Variants in APOBEC3H observed in about 807,000 individuals in gnomAD.
The protein encoded by APOBEC3H is apolipoprotein B mRNA editing enzyme catalytic subunit 3H.
A neutral mutation model predicts 21.2 loss-of-function variants in APOBEC3H; 8 were observed. The ratio of observed to expected loss-of-function variants is 0.38; its 90% confidence interval spans 0.22 to 0.68. The LOEUF is 0.68. Ranked by LOEUF, APOBEC3H falls within the 30% of genes least tolerant of loss-of-function variation. The pLI, the probability that APOBEC3H is intolerant of heterozygous loss-of-function variation, is 0.52. For missense variants in APOBEC3H, 229 were observed against 228.1 expected (o/e 1.00, Z -0.03); for synonymous variants, 88 against 91.0 (o/e 0.97, Z 0.19).
chr22:39,099,039 A>G (rs1929154085), intron 1 of APOBEC3H, among the ~76,000 whole-genome samples: 1 of 152,122 alleles, frequency 6.6e-6, no homozygotes, highest in African/African-American at 2.4e-5. Flanking sequence ...CTACAAAAAT[A>G]CAAAAATTAG....
intron 1 of APOBEC3H, among the ~76,000 whole-genome samples, chr22:39,100,068 G>A (rs1242676091): frequency 1.3e-5 from 2 of 152,234 alleles, no homozygotes; most frequent in Non-Finnish European, 2.9e-5. Flanking sequence ...AGCTACTTGG[G>A]AGGCTGAGGC....
rs1036240479 is a variant in APOBEC3H at position 39,101,396 on chromosome 22, C to T, written c.310C>T (p.Leu104=). 3 of 1,612,470 alleles carry T rather than the reference C, an allele frequency of 1.9e-6. No individual in the cohort carries two copies. The South Asian group carries it at 3.3e-5, about 18-fold the overall frequency. ...CATCAAGGCTCACGACCATCTGAAC[C>T]TGGGCATCTTCGCCTCCCGCCTGTA... The part of the protein sequence containing the change: ...DFIKAHDHLN[L]GIFASRLYYH... The change falls in exon 3 of 5, where the codon CTG becomes TTG. Residue 104 remains leucine (L), a synonymous_variant. Transcript: ENST00000442487.
At chr22:39,098,706 T>C (rs1183153699) in intron 1 of APOBEC3H, among the ~76,000 whole-genome samples, 1 of 152,160 alleles carries the variant, frequency 6.6e-6, no homozygotes, top group African/African-American at 2.4e-5. Flanking sequence ...CTGCTGCCCC[T>C]GCCAGCATCT....
intron 4 of APOBEC3H, chr22:39,102,480 C>T (rs1210210523): frequency 1.4e-6 from 1 of 714,366 alleles, no homozygotes; most frequent in Non-Finnish European, 2.6e-6. Flanking sequence ...GTGTTCTCCT[C>T]TCGCACCAGG....
chr22:39,097,916 TATA>T (rs1333417298), intron 1 of APOBEC3H, among the ~76,000 whole-genome samples: 2 of 133,822 alleles, frequency 1.5e-5, no homozygotes, highest in African/African-American at 5.8e-5. Flanking sequence ...ATTCACCGTT[TATA>T]ATGACACCAG....
In APOBEC3H at chr22:39,103,681, C is replaced by T; in HGVS notation, c.544-8C>T. The T allele has an allele frequency of 1.9e-6, 3 of 1,614,056 alleles. No individual in the cohort carries two copies. The highest frequency in any genetic ancestry group is 2.5e-6 in the Non-Finnish European group (3 of 1,179,924). On this transcript the variant is annotated splice_polypyrimidine_tract_variant and splice_region_variant and intron_variant, in intron 4 of 4. Coordinates refer to ENST00000442487, the MANE Select transcript of APOBEC3H (RefSeq NM_181773.5). ...TGGTACCTCCTAACTTCTCTCTTTC[C>T]CTCTCAGCAGTCCTGAAGTGTGGAT... is the stretch of plus-strand genomic sequence containing the variant.
chr22:39,103,800 AGTTGCC>A lies in APOBEC3H; in HGVS notation c.*104_*109del. 1 of 1,451,826 alleles carries A rather than the reference AGTTGCC, an allele frequency of 6.9e-7. No individual in the cohort carries two copies. The highest frequency in any genetic ancestry group is 9.7e-7 in the Non-Finnish European group (1 of 1,032,458). The allele number at this position is 1,451,826 out of a possible 1,614,324, so 89.9% of individuals were successfully genotyped here. A position where few individuals can be genotyped will look rare whatever the true frequency, so the allele number is the denominator to read the frequency against. ...AAGATGACTTTCCCTGGGGCATGTCAGTTGCCTCATAGCCTGCTGGTCCTGTAAGCA... is the reference window on the plus strand; with the variant it reads ...AAGATGACTTTCCCTGGGGCATGTCATCATAGCCTGCTGGTCCTGTAAGCA... On this transcript the variant is annotated 3_prime_UTR_variant, in exon 5 of 5. Coordinates refer to ENST00000442487, the MANE Select transcript of APOBEC3H (RefSeq NM_181773.5).
chr22:39,101,612 G>T (rs113048745), intron 3 of APOBEC3H, 108 bp downstream of exon 3: 94,456 of 288,598 alleles, frequency 0.33, 19,894 homozygotes, highest in South Asian at 0.42. Context: ...CGGGGGGCGG[G>T]GGCGGGTTGG....
intron 1 of APOBEC3H, among the ~76,000 whole-genome samples, chr22:39,099,866 C>T (rs1929198425): frequency 6.6e-6 from 1 of 152,168 alleles, no homozygotes; most frequent in African/African-American, 2.4e-5. Context: ...GGGAAGGGCC[C>T]AAATGAACAG....
At chr22:39,098,253 G>GT (rs1056976936) in intron 1 of APOBEC3H, among the ~76,000 whole-genome samples, 6 of 152,300 alleles carry the variant, frequency 3.9e-5, no homozygotes, top group African/African-American at 1.2e-4. Flanking sequence ...GTTTCGTTTT[G>GT]TTTTTTTGAG....
At chr22:39,102,138 T>A in intron 4 of APOBEC3H, 96 bp downstream of exon 4, 1 of 1,460,814 alleles carries the variant, frequency 6.8e-7, no homozygotes, top group Non-Finnish European at 9.1e-7. Flanking sequence ...TACCCCTACC[T>A]TTTTTTCTTT....
chr22:39,102,025 C>T lies in APOBEC3H; in HGVS notation c.526C>T (p.Arg176Trp). 6.2e-6 allele frequency: 10 copies of T among 1,613,830 alleles called. No homozygotes were observed. The highest frequency in any genetic ancestry group is 2.7e-5 in the African/African-American group (2 of 74,980). Residue 176 changes from arginine (R) to tryptophan (W), a missense_variant, in exon 4 of 5, where the codon CGG becomes TGG. Physicochemically the swap from Arg to Trp is moderately radical, Grantham distance 101 (BLOSUM62 -3). Transcript: ENST00000442487. ...TAAAAACAGTCGAGCCATAAAGCGA[C>T]GGCTTGAGAGGATAAAGGTGAGGCA... is the stretch of plus-strand genomic sequence containing the variant. ...LDKNSRAIKR[R>W]LERIKQS
rs769226790 is a variant in APOBEC3H at position 39,102,083 on chromosome 22, G to A, written c.543+41G>A. ...GCCTGCTGCCCCCGACCTCCTCACC[G>A]CCTGCCGCAGCCCCATACCCAGTCA... On this transcript the variant is annotated intron_variant, in intron 4 of 4. Coordinates refer to ENST00000442487, the MANE Select transcript of APOBEC3H (RefSeq NM_181773.5). 6.2e-6 allele frequency: 10 copies of A among 1,601,606 alleles called. No individual in the cohort carries two copies. In the East Asian group the frequency reaches 6.7e-5, roughly 11 times the overall value.
rs1929331467 is a variant in APOBEC3H at position 39,101,496 on chromosome 22, G to C, written c.410G>C (p.Gly137Ala). Residue 137 changes from glycine to alanine, a missense_variant, in exon 3 of 5, where the codon GGC becomes GCC. Physicochemically the swap from Gly to Ala is moderately conservative, Grantham distance 60 (BLOSUM62 0). Transcript: ENST00000442487. ...TCCCAGGTCCCGGTGGAGGTCATGGGCTTCCCAGGTAGGAAAGAGGCTTTG... is the reference window on the plus strand; with the variant it reads ...TCCCAGGTCCCGGTGGAGGTCATGGCCTTCCCAGGTAGGAAAGAGGCTTTG... ...CGSQVPVEVM[G>A]FPEFADCWEN... 5 of 1,607,970 alleles carry C rather than the reference G, an allele frequency of 3.1e-6. No homozygotes were observed. Among genetic ancestry groups the C allele is most frequent in the Middle Eastern group, 2.0e-4 (1 of 5,050 alleles).
chr22:39,102,162 T>G, intron 4 of APOBEC3H, 120 bp downstream of exon 4: 1 of 1,388,448 alleles, frequency 7.2e-7, no homozygotes, highest in Non-Finnish European at 9.5e-7. Context: ...TTTCTTTTCT[T>G]TTTTGAGACA....
In APOBEC3H at chr22:39,103,789, T is replaced by C. The variant is rs1929502569; in HGVS notation, c.*92T>C. 12 of 1,516,184 alleles carry C rather than the reference T, an allele frequency of 7.9e-6. No individual in the cohort carries two copies. The Admixed American group carries it at 2.0e-4, about 25-fold the overall frequency. The allele number at this position is 1,516,184 out of a possible 1,614,324, so 93.9% of individuals were successfully genotyped here. On this transcript the variant is annotated 3_prime_UTR_variant, in exon 5 of 5. Coordinates refer to ENST00000442487, the MANE Select transcript of APOBEC3H (RefSeq NM_181773.5). ...AGAAGCAACTCAAGATGACTTTCCCTGGGGCATGTCAGTTGCCTCATAGCC... is the reference window on the plus strand; with the variant it reads ...AGAAGCAACTCAAGATGACTTTCCCCGGGGCATGTCAGTTGCCTCATAGCC...
chr22:39,100,240 T>G (rs774804340), intron 1 of APOBEC3H, 32 bp from the exon 2 acceptor site: 1 of 1,599,016 alleles, frequency 6.3e-7, no homozygotes, highest in East Asian at 2.3e-5. Context: ...GACGCTCCCT[T>G]CATCTTTGGT....
chr22:39,098,713 A>G (rs1486528119), intron 1 of APOBEC3H, among the ~76,000 whole-genome samples: 1 of 152,154 alleles, frequency 6.6e-6, no homozygotes, highest in Non-Finnish European at 1.5e-5. Flanking sequence ...CCCTGCCAGC[A>G]TCTCCTTCTC....
chr22:39,098,154 G>A (rs962572325), intron 1 of APOBEC3H, among the ~76,000 whole-genome samples: 1 of 152,200 alleles, frequency 6.6e-6, no homozygotes, highest in Non-Finnish European at 1.5e-5. Flanking sequence ...GCCCCTGCAG[G>A]CCTAGGGCAG....
Sources: allele counts gnomAD v4.1 joint callset (sites outside exome capture counted in the v4.1 genomes callset), GRCh38; gene constraint gnomAD v4.1.1; transcripts MANE v1.5; gene names NCBI Gene and HGNC (gene_info 2026-07-23, HGNC 2026-07-21).